Variants in MGAM observed in about 807,000 individuals in gnomAD.
MGAM encodes alpha-1,4-glucosidase.
In MGAM, 253 loss-of-function variants were observed where a neutral mutation model predicts 358.8. The ratio of observed to expected loss-of-function variants is 0.71; its 90% CI spans 0.64 to 0.78. The LOEUF (loss-of-function observed/expected upper bound fraction) is 0.78. Among genes scored for constraint, MGAM ranks in the 30% least tolerant of loss-of-function variants. MGAM has a pLI of 0.00. For missense variants in MGAM, 3,080 were observed against 3,432.6 expected (o/e 0.90, Z 2.57); for synonymous variants, 1,105 against 1,227.1 (o/e 0.90, Z 2.08).
At chr7:142,007,713 A>C (rs1805281944) in intron 2 of MGAM, among the ~76,000 whole-genome samples, 1 of 152,176 alleles carries the variant, frequency 6.6e-6, no homozygotes, top group South Asian at 2.1e-4. Context: ...TGATTTTTAA[A>C]TCTGAATTCA....
At chr7:142,053,526 G>A (rs892631386) in intron 26 of MGAM, among the ~76,000 whole-genome samples, 2 of 152,156 alleles carry the variant, frequency 1.3e-5, no homozygotes, top group African/African-American at 4.8e-5. Flanking sequence ...TGAGATTTCT[G>A]TAAAATGGCC....
rs370208823 is a variant in MGAM at position 142,064,532 on chromosome 7, C to T, written c.4484+10C>T. On this transcript the variant is annotated intron_variant, in intron 37 of 70. Coordinates refer to ENST00000475668, the MANE Select transcript of MGAM (RefSeq NM_001365693.1). ...CCAGACCCACATACGAGTGAGTCTC[C>T]GTCTCCCTTCTCCAGCTGTCACAAC... 294 of 1,566,608 alleles carry T rather than the reference C, an allele frequency of 1.9e-4. No homozygotes were observed. The African/African-American group carries it at 1.9e-3, about 10-fold the overall frequency.
chr7:142,081,909 A>T, intron 50 of MGAM, 133 bp from the exon 51 acceptor site: 1 of 923,984 alleles, frequency 1.1e-6, no homozygotes, highest in Non-Finnish European at 1.7e-6. Flanking sequence ...AATCAAATTG[A>T]GTTTCAGTTT....
intron 2 of MGAM, among the ~76,000 whole-genome samples, chr7:141,990,682 TA>T (rs1257024755): frequency 3.9e-5 from 6 of 152,110 alleles, no homozygotes; most frequent in Admixed American, 1.3e-4. Context: ...TTTTATTTTT[TA>T]TTTTTTTATT....
intron 14 of MGAM, 62 bp downstream of exon 14, chr7:142,032,971 G>A: frequency 8.7e-7 from 1 of 1,146,158 alleles, no homozygotes; most frequent in Non-Finnish European, 1.2e-6. Flanking sequence ...AAATTCATAA[G>A]GACAGATCTG....
Position 142,022,376 on chromosome 7 carries a change from G to C in MGAM, c.819G>C (p.Gln273His). Reference sequence around the variant, plus strand: ...GCCTGGGAGAGCATGTGCACCAGCAGTATCGGCATGATATGAATTGGAAGA... The same window carrying C: ...GCCTGGGAGAGCATGTGCACCAGCACTATCGGCATGATATGAATTGGAAGA... Reference protein sequence around the residue: ...VYGLGEHVHQQYRHDMNWKTW... With the variant: ...VYGLGEHVHQHYRHDMNWKTW... Residue 273 changes from glutamine to histidine, a missense_variant, in exon 7 of 71, where the codon CAG (glutamine) becomes CAC (histidine). Gln to His is a conservative substitution (Grantham distance 24). Around this residue, in one of 5 missense-constraint regions of MGAM, gnomAD observed 1,816 missense variants for 1,840.5 expected, o/e 0.99. Transcript: ENST00000475668. 1 of 1,613,730 alleles carries C rather than the reference G, an allele frequency of 6.2e-7. No homozygotes were observed. The highest frequency in any genetic ancestry group is 8.5e-7 in the Non-Finnish European group (1 of 1,179,710).
In MGAM at chr7:142,031,746, G is replaced by A. The variant is rs782373494; in HGVS notation, c.1537G>A (p.Glu513Lys). 6.2e-7 allele frequency: 1 copy of A among 1,613,390 alleles called. No individual in the cohort carries two copies. Among genetic ancestry groups the A allele is most frequent in the South Asian group, 1.1e-5 (1 of 91,076 alleles). ...CAACTGTGCTGTTTGGTGGACAAAGGAATTTGAGCTTTTTCACAATCAAGT... is the reference window on the plus strand; with the variant it reads ...CAACTGTGCTGTTTGGTGGACAAAGAAATTTGAGCTTTTTCACAATCAAGT... The part of the protein sequence containing the change: ...NPNCAVWWTK[E>K]FELFHNQVEF... The change falls in exon 13 of 71, where the codon GAA becomes AAA. Residue 513 changes from glutamate to lysine, a missense_variant. Physicochemically the swap from Glu to Lys is moderately conservative, Grantham distance 56. This residue lies in a region of MGAM where 1,816 missense variants were observed against 1,840.5 expected (regional missense o/e 0.99). Transcript: ENST00000475668.
Position 142,027,616 on chromosome 7 carries a change from G to C in MGAM, c.1102G>C (p.Gly368Arg), listed in dbSNP as rs1554461418. 6.2e-7 allele frequency: 1 copy of C among 1,613,132 alleles called. No individual in the cohort carries two copies. Among genetic ancestry groups the C allele is most frequent in the Non-Finnish European group, 8.5e-7 (1 of 1,179,610 alleles). Residue 368 changes from glycine (G) to arginine (R), a missense_variant, in exon 10 of 71, where the codon GGG becomes CGG. By Grantham distance (125) the Gly-to-Arg change is moderately radical. This residue lies in a region of MGAM where 1,816 missense variants were observed against 1,840.5 expected (regional missense o/e 0.99). Coordinates refer to ENST00000475668, the MANE Select transcript of MGAM (RefSeq NM_001365693.1). ...QVVQEYLELI[G>R]RPALPSYWAL... ...CTTCACATATTTCTTTCAGCTCATT[G>C]GGCGGCCAGCCCTTCCCTCCTACTG...
chr7:142,000,967 G>A (rs566146636), intron 1 of MGAM, among the ~76,000 whole-genome samples: 4 of 152,200 alleles, frequency 2.6e-5, no homozygotes, highest in South Asian at 2.1e-4. Flanking sequence ...ACAACTATTA[G>A]CATCTACCAA....
Position 142,040,807 on chromosome 7 carries a change from T to G in MGAM, c.2459T>G (p.Ile820Ser). 1 of 1,613,166 alleles carries G rather than the reference T, an allele frequency of 6.2e-7. No individual in the cohort carries two copies. The highest frequency in any genetic ancestry group is 8.5e-7 in the Non-Finnish European group (1 of 1,179,424). The change falls in exon 21 of 71, where the codon ATC (isoleucine) becomes AGC (serine). Residue 820 changes from isoleucine to serine, a missense_variant. This residue lies in a region of MGAM where 1,816 missense variants were observed against 1,840.5 expected (regional missense o/e 0.99). Transcript: ENST00000475668. ...KIGLHLRGGY[I>S]FPTQQPNTTT... is the part of the protein sequence containing the mutation. ...GGACTTCACCTTCGAGGAGGCTACA[T>G]CTTCCCCACACAGCAGCCAAATACA...
chr7:142,066,160 C>T (rs911169812), intron 40 of MGAM, among the ~76,000 whole-genome samples: 4 of 144,702 alleles, frequency 2.8e-5, no homozygotes, highest in African/African-American at 9.8e-5. Context: ...TGGGATCTTG[C>T]CATATTTCAC....
rs1816276531 is a variant in MGAM at position 142,099,673 on chromosome 7, A to T, written c.7810A>T (p.Asn2604Tyr). 1.2e-6 allele frequency: 2 copies of T among 1,613,858 alleles called. No homozygotes were observed. Among genetic ancestry groups the T allele is most frequent in the South Asian group, 2.2e-5 (2 of 91,088 alleles). ...CTTGCCAGCCCCTCTTGACCACATT[A>T]ATCTTCATGTCCGTGGGGGCTACAT... Reference protein sequence around the residue: ...KTLPAPLDHINLHVRGGYILP... With the variant: ...KTLPAPLDHIYLHVRGGYILP... Residue 2604 changes from asparagine to tyrosine, a missense_variant, in exon 67 of 71, where the codon AAT becomes TAT. Physicochemically the swap from Asn to Tyr is moderately radical, Grantham distance 143. Around this residue, in one of 5 missense-constraint regions of MGAM, gnomAD observed 932 missense variants for 1,198.2 expected, o/e 0.78. Transcript: ENST00000475668.
chr7:142,100,440 G>T (rs1341791329), intron 67 of MGAM, among the ~76,000 whole-genome samples: 4 of 152,086 alleles, frequency 2.6e-5, no homozygotes, highest in African/African-American at 9.7e-5. Flanking sequence ...GAAGAACTTA[G>T]GACATTTGAA....
chr7:142,095,755 A>T (rs201586887), intron 64 of MGAM, 42 bp downstream of exon 64: 238 of 1,605,292 alleles, frequency 1.5e-4, no homozygotes, highest in Non-Finnish European at 1.9e-4. Flanking sequence ...TGGATGACTT[A>T]TTGCATTCTA....
rs545506072 is a variant in MGAM, at chr7:142,091,076, G to A, written c.6811-837G>A. 5.5e-5 allele frequency among the ~76,000 whole-genome samples: 8 copies of A among 144,826 alleles called. 1 individual carries two copies. The highest frequency in any genetic ancestry group is 2.2e-4 in the South Asian group (1 of 4,502). The stretch of plus-strand genomic sequence containing the variant: ...AGCCTGAACAACATGAGGAAACTAC[G>A]TCTCTACTAGAAATACAAAAATTAG... On this transcript the variant is annotated intron_variant, in intron 57 of 70. Transcript: ENST00000475668.
rs546874598 is a variant in MGAM at position 142,103,986 on chromosome 7, G to C, written c.8184+547G>C. On this transcript the variant is annotated intron_variant, in intron 70 of 70. Transcript: ENST00000475668. ...CCATTCTTCTGCCTCCCAAGTAGCTGTGACTGCAGGCGTCTGCCACTATGC... is the reference window on the plus strand; with the variant it reads ...CCATTCTTCTGCCTCCCAAGTAGCTCTGACTGCAGGCGTCTGCCACTATGC... Among the ~76,000 whole-genome samples the C allele has an allele frequency of 2.6e-5, 4 of 151,912 alleles. No individual in the cohort carries two copies. The South Asian group carries it at 8.3e-4, about 32-fold the overall frequency.
At chr7:142,071,265 A>G (rs1813326810) in intron 44 of MGAM, 147 bp downstream of exon 44, 1 of 1,086,828 alleles carries the variant, frequency 9.2e-7, no homozygotes, top group African/African-American at 1.5e-5. Context: ...TTTGTGTGTT[A>G]ATCTTTTTCA....
At chr7:142,024,963 A>G in intron 7 of MGAM, 87 bp from the exon 8 acceptor site, 1 of 873,194 alleles carries the variant, frequency 1.1e-6, no homozygotes, top group South Asian at 1.5e-5. Context: ...TAGTTGCATG[A>G]TTAAGACTGA....
intron 2 of MGAM, among the ~76,000 whole-genome samples, chr7:141,989,630 C>T (rs1019601691): frequency 4.6e-5 from 7 of 151,734 alleles, no homozygotes; most frequent in South Asian, 4.2e-4. Flanking sequence ...ATCATAGCTC[C>T]CTGCAGCCTC....
Sources: allele counts gnomAD v4.1 joint callset (sites outside exome capture counted in the v4.1 genomes callset), GRCh38; gene constraint gnomAD v4.1.1; regional missense constraint gnomAD v4.1.1; transcripts MANE v1.5; gene names NCBI Gene and HGNC (gene_info 2026-07-23, HGNC 2026-07-21).